FNDC3A: variants seen among roughly 807,000 people sequenced by gnomAD.
FNDC3A encodes fibronectin type III domain containing 3A, also known as fibronectin type-III domain-containing protein 3A.
In FNDC3A, 32 loss-of-function variants were observed where a neutral mutation model predicts 148.9. The observed-to-expected ratio is 0.21, with a 90% CI of 0.16 to 0.29. The LOEUF is 0.29. FNDC3A is among the 10% of genes least tolerant of loss of function. FNDC3A has a pLI of 1.00. For missense variants in FNDC3A, 1,191 were observed against 1,452.8 expected (o/e 0.82, Z 2.93); for synonymous variants, 472 against 473.6 (o/e 1.00, Z 0.04).
chr13:49,013,240 G>T (rs1490325460), intron 2 of FNDC3A, among the ~76,000 whole-genome samples: 1 of 152,042 alleles, frequency 6.6e-6, no homozygotes, highest in African/African-American at 2.4e-5. Context: ...ACTTGAGCCT[G>T]GGGGGTTGAG....
chr13:49,187,595 T>G (rs1461220315), intron 16 of FNDC3A: 1 of 1,609,730 alleles, frequency 6.2e-7, no homozygotes, highest in East Asian at 2.2e-5. Flanking sequence ...AATGGCAAAT[T>G]CTTCCCAGGG....
At chr13:49,072,912 G>C (rs954404973) in intron 2 of FNDC3A, among the ~76,000 whole-genome samples, 3 of 152,164 alleles carry the variant, frequency 2.0e-5, no homozygotes, top group African/African-American at 7.2e-5. Flanking sequence ...CTGCAAACAA[G>C]GATAATTTGA....
chr13:49,166,242 A>G (rs1884455008), intron 8 of FNDC3A, among the ~76,000 whole-genome samples: 1 of 152,202 alleles, frequency 6.6e-6, no homozygotes, highest in Non-Finnish European at 1.5e-5. Context: ...CCACAGCTGC[A>G]GTTGCTGCAG....
intron 3 of FNDC3A, among the ~76,000 whole-genome samples, chr13:49,094,975 A>C (rs1377189249): frequency 6.6e-6 from 1 of 152,074 alleles, no homozygotes; most frequent in African/African-American, 2.4e-5. Context: ...CATGGAAAAT[A>C]ATTGTGGCAT....
Position 49,206,588 on chromosome 13 carries a change from T to C in FNDC3A, c.3283-493T>C, listed in dbSNP as rs117943423. Among the ~76,000 whole-genome samples the C allele has an allele frequency of 7.6e-3, 1,154 of 152,324 alleles. 11 individuals are homozygous for C. Among genetic ancestry groups the C allele is most frequent in the Non-Finnish European group, 0.01 (682 of 68,024 alleles). On this transcript the variant is annotated intron_variant, in intron 25 of 25. Coordinates refer to ENST00000492622, the MANE Select transcript of FNDC3A (RefSeq NM_001079673.2). ...TAAGTGATCTCCCCTCTCTGGTTTA[T>C]ACAGTGATTTGCCATAGGCACCTAT... is the stretch of plus-strand genomic sequence containing the variant.
intron 15 of FNDC3A, among the ~76,000 whole-genome samples, 169 bp from the exon 16 acceptor site, chr13:49,186,953 T>G (rs1017325433): frequency 3.3e-5 from 5 of 151,922 alleles, no homozygotes; most frequent in Non-Finnish European, 7.4e-5. Flanking sequence ...TATGGTAAAT[T>G]AAGTGAAAAG....
At chr13:49,070,868 G>GAT (rs1877615304) in intron 2 of FNDC3A, among the ~76,000 whole-genome samples, 1 of 144,312 alleles carries the variant, frequency 6.9e-6, no homozygotes, top group South Asian at 2.2e-4. Context: ...TTTTGCCACA[G>GAT]ATAACAGGAT....
In FNDC3A at chr13:49,203,304, T is replaced by C. The variant is rs1886503774; in HGVS notation, c.3282+20T>C. The C allele has an allele frequency of 2.6e-6, 4 of 1,560,844 alleles. No homozygotes were observed. In the African/African-American group the frequency reaches 4.1e-5, roughly 16 times the overall value. On this transcript the variant is annotated intron_variant, in intron 25 of 25. Transcript: ENST00000492622. ...AAACAGGTATGTACCAAGATATTAA[T>C]GTGTGGATGCATATTTTTACCCTTT...
At chr13:49,063,986 A>G (rs1877079199) in intron 2 of FNDC3A, among the ~76,000 whole-genome samples, 1 of 152,236 alleles carries the variant, frequency 6.6e-6, no homozygotes, top group Admixed American at 6.5e-5. Context: ...ACAAACGACT[A>G]TTACAAATCA....
At chr13:49,134,102 T>C (rs1467598373) in intron 5 of FNDC3A, among the ~76,000 whole-genome samples, 1 of 152,218 alleles carries the variant, frequency 6.6e-6, no homozygotes, top group Non-Finnish European at 1.5e-5. Flanking sequence ...ATGTACTGTA[T>C]TAAGTACCAC....
At chr13:49,050,253 T>C (rs1358613178) in intron 2 of FNDC3A, among the ~76,000 whole-genome samples, 1 of 152,226 alleles carries the variant, frequency 6.6e-6, no homozygotes, top group African/African-American at 2.4e-5. Context: ...TTGTACTCTT[T>C]CAGACTTTTT....
At chr13:49,019,323 C>G (rs548548672) in intron 2 of FNDC3A, among the ~76,000 whole-genome samples, 1 of 152,254 alleles carries the variant, frequency 6.6e-6, no homozygotes, top group African/African-American at 2.4e-5. Flanking sequence ...TTTTTAAGCC[C>G]GTCGGAAAAG....
At chr13:49,113,827 A>G (rs947172539) in intron 3 of FNDC3A, among the ~76,000 whole-genome samples, 18 of 152,298 alleles carry the variant, frequency 1.2e-4, no homozygotes, top group African/African-American at 4.3e-4. Context: ...TAAAGCAACT[A>G]AGATTTTAGT....
chr13:49,065,016 G>C (rs1877168903), intron 2 of FNDC3A, among the ~76,000 whole-genome samples: 1 of 152,168 alleles, frequency 6.6e-6, no homozygotes, highest in Non-Finnish European at 1.5e-5. Context: ...TCCTGATTCA[G>C]TTATCTATTG....
At chr13:49,055,170 C>T (rs1023915913) in intron 2 of FNDC3A, among the ~76,000 whole-genome samples, 1 of 151,524 alleles carries the variant, frequency 6.6e-6, no homozygotes, top group Non-Finnish European at 1.5e-5. Context: ...GTGTCACGTT[C>T]GTGGCTCACT....
At chr13:49,158,316 G>C (rs899060563) in intron 8 of FNDC3A, among the ~76,000 whole-genome samples, 1 of 152,192 alleles carries the variant, frequency 6.6e-6, no homozygotes, top group Non-Finnish European at 1.5e-5. Context: ...TCTTTGACTC[G>C]GAAAGGGAAC....
At chr13:49,016,421 T>G (rs184433068) in intron 2 of FNDC3A, among the ~76,000 whole-genome samples, 5 of 152,296 alleles carry the variant, frequency 3.3e-5, no homozygotes, top group African/African-American at 1.2e-4. Flanking sequence ...CTGATGGTAG[T>G]TTGTATTTCT....
chr13:49,031,488 A>G (rs572114525), intron 2 of FNDC3A, among the ~76,000 whole-genome samples: 1 of 152,288 alleles, frequency 6.6e-6, no homozygotes, highest in African/African-American at 2.4e-5. Context: ...CTTTACATTT[A>G]TGGTCATTTG....
chr13:49,067,141 G>A (rs953418945), intron 2 of FNDC3A, among the ~76,000 whole-genome samples: 2 of 152,060 alleles, frequency 1.3e-5, no homozygotes, highest in Non-Finnish European at 2.9e-5. Flanking sequence ...CTACTAAAAG[G>A]TCAGATGAGG....
Sources: gnomAD v4.1 joint callset for allele counts (sites outside exome capture counted in the v4.1 genomes callset) on GRCh38, gnomAD v4.1.1 for gene constraint, MANE v1.5 for transcripts, NCBI Gene and HGNC (gene_info 2026-07-23, HGNC 2026-07-21) for gene names.